USP22: variants seen among roughly 807,000 people sequenced by gnomAD.
USP22 encodes the protein ubiquitin specific peptidase 22, also known as ubiquitin carboxyl-terminal hydrolase 22.
Under a neutral mutation model 68.1 loss-of-function variants are expected in USP22, and 22 were observed. That is an observed-to-expected ratio of 0.32 (90% confidence interval 0.23 to 0.46). The LOEUF is 0.46. Ranked by LOEUF, USP22 falls within the 20% of genes least tolerant of loss-of-function variation. The pLI, the probability that USP22 is intolerant of heterozygous loss-of-function variation, is 1.00. For synonymous variants in USP22, 279 were observed against 274.2 expected, an observed-to-expected ratio of 1.02 and a Z score of -0.17; for missense variants, 433 against 695.8, an observed-to-expected ratio of 0.62 and a Z score of 4.25.
At chr17:21,007,812 C>A (rs1913824606) in intron 9 of USP22, 58 bp downstream of exon 9, 5 of 1,609,244 alleles carry the variant, frequency 3.1e-6, no homozygotes, top group Non-Finnish European at 4.3e-6. Context: ...AGGCTGAGGA[C>A]CGTACTGTGG....
Position 21,002,679 on chromosome 17 carries a change from C to A in USP22, c.*352G>T. ...CTTACAGCAGGTAGGGGCCTTTCCA[C>A]ACCGAGTGCTGGGGAACGCCAGGCA... is the stretch of plus-strand genomic sequence containing the variant. On this transcript the variant is annotated 3_prime_UTR_variant, in exon 13 of 13. Transcript: ENST00000261497. The A allele has an allele frequency of 3.2e-6, 1 of 316,278 alleles. No individual in the cohort carries two copies. Among genetic ancestry groups the A allele is most frequent in the Non-Finnish European group, 6.2e-6 (1 of 161,448 alleles). 19.6% of individuals were successfully genotyped at this position (316,278 alleles called of 1,614,324 possible).
intron 4 of USP22, among the ~76,000 whole-genome samples, chr17:21,018,694 T>C (rs77997617): frequency 0.21 from 28,777 of 135,046 alleles, 3,440 homozygotes; most frequent in South Asian, 0.33. Context: ...CAAGACTCTG[T>C]CTCAAAAAAG....
chr17:21,012,318 T>C (rs112778095), intron 7 of USP22, among the ~76,000 whole-genome samples: 12 of 151,018 alleles, frequency 7.9e-5, no homozygotes, highest in African/African-American at 2.4e-4. Context: ...GGTGAGAGGG[T>C]CCCCTGACCT....
intron 1 of USP22, among the ~76,000 whole-genome samples, chr17:21,035,566 A>G (rs1009726061): frequency 6.6e-6 from 1 of 152,136 alleles, no homozygotes; most frequent in Non-Finnish European, 1.5e-5. Flanking sequence ...GAGTATGCAA[A>G]CAGCAAAATC....
At position 21,025,909 on chromosome 17, in the gene USP22, G is replaced by A. The variant is rs1024877175; in HGVS notation, c.304+2633C>T. On this transcript the variant is annotated intron_variant, in intron 2 of 12. Transcript: ENST00000261497. ...GTGCAAAAAAGTTTTGAACTAGAGA[G>A]GTGGAGGACACACAACATTGTAAAT... 2.6e-5 allele frequency among the ~76,000 whole-genome samples: 4 copies of A among 152,210 alleles called. No homozygotes were observed. The South Asian group carries it at 6.2e-4, about 24-fold the overall frequency.
At chr17:21,032,583 G>C (rs945182695) in intron 1 of USP22, among the ~76,000 whole-genome samples, 1 of 152,172 alleles carries the variant, frequency 6.6e-6, no homozygotes, top group Non-Finnish European at 1.5e-5. Context: ...TGTTACAGCA[G>C]GCCCGGTCAC....
At chr17:21,010,134 A>G (rs541558561) in intron 8 of USP22, among the ~76,000 whole-genome samples, 1 of 152,276 alleles carries the variant, frequency 6.6e-6, no homozygotes, top group African/African-American at 2.4e-5. Context: ...ACTGCACTCC[A>G]GCCTGCATGA....
intron 1 of USP22, among the ~76,000 whole-genome samples, chr17:21,033,029 G>A (rs982641546): frequency 3.3e-5 from 5 of 151,746 alleles, no homozygotes; most frequent in African/African-American, 7.3e-5. Flanking sequence ...CAGACGATGC[G>A]GTTGGTGAGT....
At chr17:21,015,702 T>C (rs778527371) in intron 6 of USP22, 50 bp downstream of exon 6, 2 of 1,559,768 alleles carry the variant, frequency 1.3e-6, no homozygotes, top group East Asian at 4.6e-5. Context: ...TTCCTTCCCC[T>C]TCAAGGAAAA....
chr17:21,016,018 A>G (rs543460142), intron 5 of USP22, 119 bp from the exon 6 acceptor site: 1 of 1,326,252 alleles, frequency 7.5e-7, no homozygotes, highest in Non-Finnish European at 1.0e-6. Context: ...TTTGACACAA[A>G]TGTTTGGATT....
chr17:21,008,113 T>A, intron 8 of USP22, 117 bp from the exon 9 acceptor site: 2 of 1,249,912 alleles, frequency 1.6e-6, no homozygotes, highest in Non-Finnish European at 2.2e-6. Context: ...AAACATACAC[T>A]TACAACTAAA....
At chr17:21,021,972 C>T (rs141779643) in intron 2 of USP22, among the ~76,000 whole-genome samples, 199 of 152,194 alleles carry the variant, frequency 1.3e-3, no homozygotes, top group South Asian at 4.4e-3. Flanking sequence ...TGGTGGCACA[C>T]GCCTGTAACC....
At chr17:21,028,406 T>A in intron 2 of USP22, 136 bp downstream of exon 2, 1 of 1,369,436 alleles carries the variant, frequency 7.3e-7, no homozygotes, top group South Asian at 1.4e-5. Flanking sequence ...CTTCCAAGTG[T>A]CACCAGTGAG....
chr17:21,031,628 ATTATAG>A (rs1972292669), intron 1 of USP22, among the ~76,000 whole-genome samples: 1 of 141,452 alleles, frequency 7.1e-6, no homozygotes, highest in Non-Finnish European at 1.5e-5. Context: ...TACACACTCC[ATTATAG>A]TCTCTCTCTA....
At position 21,001,270 on chromosome 17, in the gene USP22, T is replaced by G. The variant is rs1324023213; in HGVS notation, c.*1761A>C. The G allele has an allele frequency of 6.6e-6, 1 of 152,208 alleles. No individual in the cohort carries two copies. The highest frequency in any genetic ancestry group is 1.5e-5 in the Non-Finnish European group (1 of 68,026). The allele number at this position is 152,208 out of a possible 1,614,324, so 9.4% of individuals were successfully genotyped here. A position where few individuals can be genotyped will look rare whatever the true frequency, so the allele number is the denominator to read the frequency against. ...CAAGAAACCGCATCCCTCAGGCTTC[T>G]GCCACACATGATGGTTCTGCGGGCT... On this transcript the variant is annotated 3_prime_UTR_variant, in exon 13 of 13. Coordinates refer to ENST00000261497, the MANE Select transcript of USP22 (RefSeq NM_015276.2).
At chr17:21,009,564 G>C (rs1158570766) in intron 8 of USP22, among the ~76,000 whole-genome samples, 1 of 152,192 alleles carries the variant, frequency 6.6e-6, no homozygotes. Flanking sequence ...AGTTTGTGAA[G>C]TGTGGTTTCT....
intron 8 of USP22, 89 bp downstream of exon 8, chr17:21,011,062 G>A: frequency 6.7e-7 from 1 of 1,485,346 alleles, no homozygotes; most frequent in Non-Finnish European, 9.0e-7. Context: ...TCTGTCCTGG[G>A]CATGTGAAAG....
At chr17:21,019,634 C>G (rs1972129801) in intron 3 of USP22, among the ~76,000 whole-genome samples, 1 of 146,424 alleles carries the variant, frequency 6.8e-6, no homozygotes, top group Non-Finnish European at 1.5e-5. Context: ...TAAGATAGAT[C>G]CAACAGTTAA....
At chr17:21,043,123 A>ACACCC (rs1972466791), upstream of USP22, 1 of 18,888 alleles carries the variant, frequency 5.3e-5, no homozygotes, top group Admixed American at 5.7e-4. Flanking sequence ...AGATTACGTC[A>ACACCC]CCCCCCCCCC....
Sources: gnomAD v4.1 joint callset for allele counts (sites outside exome capture counted in the v4.1 genomes callset) on GRCh38, gnomAD v4.1.1 for gene constraint, MANE v1.5 for transcripts, NCBI Gene and HGNC (gene_info 2026-07-23, HGNC 2026-07-21) for gene names.